The following PTPRN2 variants were observed in gnomAD, a reference collection of about 807,000 sequenced individuals.
The protein encoded by PTPRN2 is receptor-type tyrosine-protein phosphatase N2.
Under a neutral mutation model 118.8 loss-of-function variants are expected in PTPRN2, and 74 were observed. That is an observed-to-expected ratio of 0.62 (90% CI 0.52 to 0.76). The LOEUF (loss-of-function observed/expected upper bound fraction) is 0.76, where lower values mean the gene tolerates loss of function less well. Among genes scored for constraint, PTPRN2 ranks in the 30% least tolerant of loss-of-function variants. PTPRN2 has a pLI of 0.00. For missense variants in PTPRN2, 1,481 were observed against 1,394.4 expected (o/e 1.06, Z -0.99); for synonymous variants, 641 against 608.0 (o/e 1.05, Z -0.80).
intron 3 of PTPRN2, among the ~76,000 whole-genome samples, chr7:158,249,008 A>T (rs1585977854): frequency 6.6e-6 from 1 of 151,040 alleles, no homozygotes; most frequent in African/African-American, 2.4e-5. Context: ...CACATGCAGC[A>T]CATATGTGCA....
At chr7:157,705,447 G>A (rs1798277256) in intron 12 of PTPRN2, among the ~76,000 whole-genome samples, 1 of 152,200 alleles carries the variant, frequency 6.6e-6, no homozygotes, top group African/African-American at 2.4e-5. Context: ...AGAGCCTTCT[G>A]GATCAACATG....
chr7:158,278,031 A>G (rs1228302060), intron 3 of PTPRN2, among the ~76,000 whole-genome samples: 1 of 152,154 alleles, frequency 6.6e-6, no homozygotes, highest in Non-Finnish European at 1.5e-5. Flanking sequence ...TGTCTGACAC[A>G]CCCAGAGAAT....
intron 1 of PTPRN2, among the ~76,000 whole-genome samples, chr7:158,495,065 A>G (rs1432208974): frequency 6.6e-6 from 1 of 151,828 alleles, no homozygotes; most frequent in African/African-American, 2.4e-5. Context: ...GCACCCCAGG[A>G]ACCCCAGTCC....
chr7:158,186,970 A>C (rs1288360121), intron 5 of PTPRN2, among the ~76,000 whole-genome samples: 1 of 152,238 alleles, frequency 6.6e-6, no homozygotes, highest in Non-Finnish European at 1.5e-5. Flanking sequence ...TGAATTTCTG[A>C]CTAAACCTCC....
At chr7:158,441,957 T>C (rs1002283293) in intron 2 of PTPRN2, among the ~76,000 whole-genome samples, 1 of 128,424 alleles carries the variant, frequency 7.8e-6, no homozygotes, top group Admixed American at 8.3e-5. Flanking sequence ...GTGATAGTGA[T>C]AGTGATGGTC....
At chr7:158,396,111 C>G (rs889049552) in intron 2 of PTPRN2, among the ~76,000 whole-genome samples, 3 of 152,174 alleles carry the variant, frequency 2.0e-5, no homozygotes, top group African/African-American at 7.2e-5. Context: ...GCAGAGGCAG[C>G]GAAGGCCGGG....
chr7:158,576,248 G>A lies in PTPRN2; in HGVS notation c.112+11310C>T, dbSNP rs1325479893. Among the ~76,000 whole-genome samples the A allele has an allele frequency of 2.0e-5, 3 of 152,162 alleles. No homozygotes were observed. In the East Asian group the frequency reaches 5.8e-4, roughly 29 times the overall value. ...ACTGCCAGCCCGGGCTGCCTGCACA[G>A]CAACCCTGTCAGGCTCATGCAGAAG... On this transcript the variant is annotated intron_variant, in intron 1 of 22. Transcript: ENST00000389418.
chr7:157,715,040 G>C (rs1475269644), intron 12 of PTPRN2, among the ~76,000 whole-genome samples: 1 of 152,242 alleles, frequency 6.6e-6, no homozygotes, highest in Non-Finnish European at 1.5e-5. Flanking sequence ...TTGGAGGCCA[G>C]CTTCCTGGGG....
intron 2 of PTPRN2, among the ~76,000 whole-genome samples, chr7:158,368,569 C>T (rs373467902): frequency 8.5e-5 from 13 of 152,250 alleles, no homozygotes; most frequent in South Asian, 6.2e-4. Flanking sequence ...TGGCCCGGCC[C>T]GCCCGCACAG....
Position 158,395,260 on chromosome 7 carries a change from C to T in PTPRN2, c.164-78328G>A, listed in dbSNP as rs1385787509. 4.5e-5 allele frequency among the ~76,000 whole-genome samples: 6 copies of T among 133,722 alleles called. No individual in the cohort carries two copies. In the East Asian group the frequency reaches 7.4e-4, roughly 17 times the overall value. The allele number at this position is 133,722 out of a possible 152,430, so 87.7% of individuals were successfully genotyped here. ...CCTGAATCCCCCGTGCGGGCACCTG[C>T]GCCCAGGGCTGTCCCTGCACAAGTG... On this transcript the variant is annotated intron_variant, in intron 2 of 22. Coordinates refer to ENST00000389418, the MANE Select transcript of PTPRN2 (RefSeq NM_002847.5).
In PTPRN2 at chr7:158,454,880, AC is replaced by A. The variant is rs549275866; in HGVS notation, c.163+34854del. ...GTCAATGTGTTCAAAAACAGAGATG[AC>A]GGCTGTTGCATGGAACAGACATACA... is the stretch of plus-strand genomic sequence containing the variant. On this transcript the variant is annotated intron_variant, in intron 2 of 22. Coordinates refer to ENST00000389418, the MANE Select transcript of PTPRN2 (RefSeq NM_002847.5). Among the ~76,000 whole-genome samples the A allele has an allele frequency of 2.9e-4, 44 of 152,296 alleles. No homozygotes were observed. In the East Asian group the frequency reaches 7.2e-3, roughly 25 times the overall value.
At chr7:158,442,108 A>AGTGGTG (rs1270970315) in intron 2 of PTPRN2, among the ~76,000 whole-genome samples, 10,922 of 135,524 alleles carry the variant, frequency 0.081, 196 homozygotes, top group Non-Finnish European at 0.1. Context: ...TGGTCACGGC[A>AGTGGTG]GTGGTGGTGG....
Position 158,527,826 on chromosome 7 carries a change from G to T in PTPRN2, c.113-38041C>A, listed in dbSNP as rs573553646. Among the ~76,000 whole-genome samples, 262 of 152,266 alleles carry T rather than the reference G, an allele frequency of 1.7e-3. 3 individuals carry two copies. Among genetic ancestry groups the T allele is most frequent in the Admixed American group, 2.7e-3 (42 of 15,292 alleles). On this transcript the variant is annotated intron_variant, in intron 1 of 22. Transcript: ENST00000389418. ...CACCCCAGGCTCCCCTGGTCTTCCT[G>T]CCCCGTATCCCAGATTCATCAGCAC...
chr7:158,253,593 T>C (rs2150901831), intron 3 of PTPRN2, among the ~76,000 whole-genome samples: 1 of 152,266 alleles, frequency 6.6e-6, no homozygotes, highest in East Asian at 1.9e-4. Flanking sequence ...CACAGGAATC[T>C]GTCCCCTCCC....
At position 157,671,018 on chromosome 7, in the gene PTPRN2, C is replaced by T. The variant is rs986492967; in HGVS notation, c.2001+11707G>A. ...CATCACCCGCATCTTCAGCCTGCAG[C>T]GCGTAGGGAGGACTCCCCATGGGCG... On this transcript the variant is annotated intron_variant, in intron 13 of 22. Coordinates refer to ENST00000389418, the MANE Select transcript of PTPRN2 (RefSeq NM_002847.5). This position sits in a 1 kb window ranked among gnomAD's most constrained non-coding sequence, Gnocchi z 4.1. Among the ~76,000 whole-genome samples, 5 of 152,144 alleles carry T rather than the reference C, an allele frequency of 3.3e-5. No homozygotes were observed. Among genetic ancestry groups the T allele is most frequent in the Admixed American group, 2.0e-4 (3 of 15,278 alleles).
At chr7:157,566,689 A>T (rs1419592906) in intron 21 of PTPRN2, among the ~76,000 whole-genome samples, 1 of 152,260 alleles carries the variant, frequency 6.6e-6, no homozygotes, top group Non-Finnish European at 1.5e-5. Context: ...GAGAATTGAC[A>T]TCACATGCCA....
rs1346155362 is a variant in PTPRN2 at position 157,953,981 on chromosome 7, C to T, written c.1724-55244G>A. Among the ~76,000 whole-genome samples, 1 of 152,216 alleles carries T rather than the reference C, an allele frequency of 6.6e-6. No individual in the cohort carries two copies. The highest frequency in any genetic ancestry group is 1.5e-5 in the Non-Finnish European group (1 of 68,042). ...ACAGAACTCTCTGGAAAGGCCGTTC[C>T]AAGAGCTTCAGGTGTTCAGGTTCGT... On this transcript the variant is annotated intron_variant, in intron 11 of 22. Transcript: ENST00000389418. This position sits in a 1 kb window ranked among gnomAD's most constrained non-coding sequence, Gnocchi z 4.6.
chr7:157,937,776 C>T (rs972051537), intron 11 of PTPRN2, among the ~76,000 whole-genome samples: 9 of 152,220 alleles, frequency 5.9e-5, no homozygotes, highest in African/African-American at 2.2e-4. Flanking sequence ...TTTACAAAGA[C>T]ACCACAGAGT....
intron 1 of PTPRN2, among the ~76,000 whole-genome samples, chr7:158,492,952 C>G (rs1277059827): frequency 6.6e-6 from 1 of 152,256 alleles, no homozygotes; most frequent in Non-Finnish European, 1.5e-5. Context: ...AGATGTCATT[C>G]TGAGGCCAAG....
Sources: allele counts gnomAD v4.1 joint callset (sites outside exome capture counted in the v4.1 genomes callset), GRCh38; gene constraint gnomAD v4.1.1; non-coding constraint Gnocchi (gnomAD v3.1); transcripts MANE v1.5; gene names NCBI Gene and HGNC (gene_info 2026-07-23, HGNC 2026-07-21).